The following DYM variants were observed in gnomAD, a reference collection of about 807,000 sequenced individuals.
DYM encodes dyggve-Melchior-Clausen syndrome protein.
DYM carries 78 observed loss-of-function variants against 93.1 expected under a neutral mutation model. The observed-to-expected ratio is 0.84, with a 90% CI of 0.70 to 1.01. The LOEUF (loss-of-function observed/expected upper bound fraction) is 1.01. Among genes scored for constraint, DYM ranks in the 50% least tolerant of loss-of-function variants. DYM has a pLI of 0.00. For missense variants in DYM, 789 were observed against 845.0 expected (o/e 0.93, Z 0.82); for synonymous variants, 321 against 319.7 (o/e 1.00, Z -0.04).
chr18:49,350,202 G>T (rs913835898), intron 6 of DYM, among the ~76,000 whole-genome samples: 3 of 152,090 alleles, frequency 2.0e-5, no homozygotes, highest in Admixed American at 6.5e-5. Context: ...TTATGTACAT[G>T]AATATTCATT....
intron 2 of DYM, among the ~76,000 whole-genome samples, chr18:49,424,688 A>G (rs1293155710): frequency 6.6e-6 from 1 of 152,200 alleles, no homozygotes; most frequent in Non-Finnish European, 1.5e-5. Flanking sequence ...AAGCAACTTC[A>G]GCAAAGTCTC....
intron 5 of DYM, among the ~76,000 whole-genome samples, chr18:49,366,436 T>G (rs1766025721): frequency 6.6e-6 from 1 of 152,208 alleles, no homozygotes; most frequent in Non-Finnish European, 1.5e-5. Context: ...ATTCAGTGTG[T>G]TTACTGTATT....
Position 49,249,023 on chromosome 18 carries a change from C to T in DYM, c.1460+7987G>A, listed in dbSNP as rs1025800640. 9.8e-5 allele frequency among the ~76,000 whole-genome samples: 15 copies of T among 152,304 alleles called. No homozygotes were observed. The East Asian group carries it at 1.9e-3, about 20-fold the overall frequency. Reference sequence around the variant, plus strand: ...GCAAACTGAATGACCACCAAGGGCACGGCTACCTTAGATTGTAGAGAACTG... The same window carrying T: ...GCAAACTGAATGACCACCAAGGGCATGGCTACCTTAGATTGTAGAGAACTG... On this transcript the variant is annotated intron_variant, in intron 13 of 17. Transcript: ENST00000675505.
intron 8 of DYM, among the ~76,000 whole-genome samples, chr18:49,290,582 G>C (rs1364601085): frequency 6.6e-6 from 1 of 151,904 alleles, no homozygotes; most frequent in Non-Finnish European, 1.5e-5. Flanking sequence ...GATCCCATTA[G>C]TATGTAGAAT....
chr18:49,279,232 T>C (rs2145685243), intron 10 of DYM, among the ~76,000 whole-genome samples: 1 of 152,316 alleles, frequency 6.6e-6, no homozygotes, highest in Non-Finnish European at 1.5e-5. Flanking sequence ...AGAATCCAAG[T>C]TAGCCAACAC....
At chr18:49,401,087 T>C in intron 2 of DYM, among the ~76,000 whole-genome samples, 1 of 152,216 alleles carries the variant, frequency 6.6e-6, no homozygotes, top group East Asian at 1.9e-4. Flanking sequence ...CAGTGTCAAA[T>C]ATTCATACTA....
intron 14 of DYM, among the ~76,000 whole-genome samples, chr18:49,200,419 T>C (rs1264657413): frequency 6.6e-6 from 1 of 151,922 alleles, no homozygotes; most frequent in Non-Finnish European, 1.5e-5. Context: ...TCATTAAACA[T>C]TATATCAAAT....
chr18:49,090,744 G>A (rs527396315), intron 17 of DYM, among the ~76,000 whole-genome samples: 14 of 152,238 alleles, frequency 9.2e-5, no homozygotes, highest in Non-Finnish European at 1.9e-4. Context: ...GAGATCACTG[G>A]AAAAATTTAT....
intron 2 of DYM, among the ~76,000 whole-genome samples, chr18:49,422,195 C>T (rs1458868409): frequency 6.6e-6 from 1 of 152,146 alleles, no homozygotes; most frequent in Non-Finnish European, 1.5e-5. Flanking sequence ...CTCCAAGACA[C>T]ATAATTGTCA....
intron 15 of DYM, among the ~76,000 whole-genome samples, chr18:49,163,106 G>C (rs529128527): frequency 6.6e-6 from 1 of 152,246 alleles, no homozygotes; most frequent in Non-Finnish European, 1.5e-5. Context: ...TGTGTTATTA[G>C]CTTGAGTGGG....
In DYM at chr18:49,138,133, C is replaced by T. The variant is rs114466196; in HGVS notation, c.1729-19207G>A. Among the ~76,000 whole-genome samples the T allele has an allele frequency of 3.0e-3, 458 of 152,072 alleles. 3 individuals are homozygous for T. Among genetic ancestry groups the T allele is most frequent in the African/African-American group, 0.01 (423 of 41,486 alleles). ...TGTGATTTATATATAAGAAACATGCCGTGCCATGATCTGAACTAATTTACT... is the reference window on the plus strand; with the variant it reads ...TGTGATTTATATATAAGAAACATGCTGTGCCATGATCTGAACTAATTTACT... On this transcript the variant is annotated intron_variant, in intron 15 of 17. Transcript: ENST00000675505.
chr18:49,281,023 G>A (rs2094959199), intron 10 of DYM, among the ~76,000 whole-genome samples: 1 of 152,116 alleles, frequency 6.6e-6, no homozygotes, highest in Non-Finnish European at 1.5e-5. Context: ...GCAACCTACA[G>A]AATGGGAGAA....
At chr18:49,122,005 A>G (rs1381571440) in intron 15 of DYM, among the ~76,000 whole-genome samples, 8 of 152,238 alleles carry the variant, frequency 5.3e-5, no homozygotes, top group Admixed American at 5.2e-4. Flanking sequence ...TCATTCTAAA[A>G]GAGAGCTGAC....
At chr18:49,139,314 T>C (rs544740575) in intron 15 of DYM, among the ~76,000 whole-genome samples, 1 of 152,268 alleles carries the variant, frequency 6.6e-6, no homozygotes, top group South Asian at 2.1e-4. Flanking sequence ...TTCTATTTCC[T>C]CCAACATTTG....
At chr18:49,178,821 A>G (rs1163612030) in intron 14 of DYM, among the ~76,000 whole-genome samples, 1 of 152,140 alleles carries the variant, frequency 6.6e-6, no homozygotes, top group Non-Finnish European at 1.5e-5. Flanking sequence ...ATCTCCAGAT[A>G]ATATTATAGA....
At chr18:49,331,021 C>T (rs1462630909) in intron 8 of DYM, among the ~76,000 whole-genome samples, 1 of 152,238 alleles carries the variant, frequency 6.6e-6, no homozygotes, top group Non-Finnish European at 1.5e-5. Context: ...TAAGTTATCA[C>T]AGTGCTACCT....
chr18:49,045,920 T>C (rs938215071), intron 17 of DYM, among the ~76,000 whole-genome samples: 6 of 152,080 alleles, frequency 3.9e-5, no homozygotes, highest in African/African-American at 1.4e-4. Flanking sequence ...GTGCAGTGGC[T>C]GCTCCCATCA....
At chr18:49,460,347 A>T (rs1054709737) in intron 1 of DYM, 51 bp downstream of exon 1, 1 of 152,264 alleles carries the variant, frequency 6.6e-6, no homozygotes, top group East Asian at 1.9e-4. Context: ...GGCCGGGGAC[A>T]GCCAGGCTTT....
At chr18:49,211,015 A>G (rs1439718318) in intron 13 of DYM, among the ~76,000 whole-genome samples, 2 of 152,234 alleles carry the variant, frequency 1.3e-5, no homozygotes, top group African/African-American at 4.8e-5. Flanking sequence ...CAATAATACT[A>G]CTACAATATG....
Sources: allele counts gnomAD v4.1 joint callset (sites outside exome capture counted in the v4.1 genomes callset), GRCh38; gene constraint gnomAD v4.1.1; transcripts MANE v1.5; gene names NCBI Gene and HGNC (gene_info 2026-07-23, HGNC 2026-07-21).